Variants in SEL1L2 observed in about 807,000 individuals in gnomAD.
SEL1L2 encodes SEL1L2 adaptor subunit of SYVN1 ubiquitin ligase.
Under a neutral mutation model 98.8 loss-of-function variants are expected in SEL1L2, and 89 were observed. That is an observed-to-expected ratio of 0.90 (90% CI 0.76 to 1.07). The LOEUF (loss-of-function observed/expected upper bound fraction) is 1.07, where lower values mean the gene tolerates loss of function less well. SEL1L2 is among the 50% of genes least tolerant of loss of function. The probability of loss-of-function intolerance (pLI) is 0.00; values close to 1 mark genes in which losing one functional copy is unlikely to be tolerated. For missense variants in SEL1L2, 788 were observed against 812.0 expected (o/e 0.97, Z 0.36); for synonymous variants, 262 against 278.5 (o/e 0.94, Z 0.59).
At chr20:13,921,514 A>T (rs1187749580) in intron 3 of SEL1L2, among the ~76,000 whole-genome samples, 1 of 152,168 alleles carries the variant, frequency 6.6e-6, no homozygotes, top group Non-Finnish European at 1.5e-5. Flanking sequence ...TTGATTGATC[A>T]AATTTTCTTT....
At chr20:13,907,700 C>CTCTCTTTCTT (rs1555879990) in intron 5 of SEL1L2, among the ~76,000 whole-genome samples, 1 of 125,556 alleles carries the variant, frequency 8.0e-6, no homozygotes, top group Non-Finnish European at 1.6e-5. Context: ...TTCTTTCTTT[C>CTCTCTTTCTT]TCTTTCTTTC....
chr20:13,915,164 C>T, intron 4 of SEL1L2: 1 of 1,289,702 alleles, frequency 7.8e-7, no homozygotes, highest in Non-Finnish European at 1.0e-6. Flanking sequence ...ATAAGCTGCT[C>T]TTGGGCAGAA....
intron 2 of SEL1L2, among the ~76,000 whole-genome samples, chr20:13,938,879 T>C (rs567364620): frequency 7.9e-5 from 12 of 152,058 alleles, no homozygotes; most frequent in African/African-American, 2.9e-4. Context: ...CATTTTTCTG[T>C]TTTTCTGTTT....
intron 4 of SEL1L2, among the ~76,000 whole-genome samples, chr20:13,917,169 C>T (rs757984496): frequency 1.2e-4 from 18 of 152,092 alleles, no homozygotes; most frequent in Non-Finnish European, 2.6e-4. Context: ...CCCTGACTGG[C>T]GCTCCACATC....
intron 5 of SEL1L2, among the ~76,000 whole-genome samples, chr20:13,893,581 C>T (rs377344864): frequency 1.3e-5 from 2 of 152,008 alleles, no homozygotes; most frequent in African/African-American, 4.8e-5. Flanking sequence ...GATTTCAATA[C>T]CCCACATTCA....
chr20:13,888,053 A>C (rs957375367), intron 6 of SEL1L2, 52 bp from the exon 7 acceptor site: 21 of 1,508,468 alleles, frequency 1.4e-5, no homozygotes, highest in Non-Finnish European at 1.8e-5. Flanking sequence ...TTGGCCATTT[A>C]AATTTGAAAC....
intron 4 of SEL1L2, 81 bp from the exon 5 acceptor site, chr20:13,914,025 C>T: frequency 5.7e-6 from 7 of 1,235,416 alleles, no homozygotes; most frequent in Non-Finnish European, 7.8e-6. Flanking sequence ...CATACTACTT[C>T]TCTCTAACAA....
intron 5 of SEL1L2, among the ~76,000 whole-genome samples, chr20:13,912,575 G>A (rs1439159988): frequency 6.6e-6 from 1 of 152,126 alleles, no homozygotes; most frequent in Non-Finnish European, 1.5e-5. Flanking sequence ...AGGATTACAG[G>A]CATGAGCCAC....
rs375600966 is a variant in SEL1L2 at position 13,885,033 on chromosome 20, T to TTC, written c.957+312_957+313dup. Among the ~76,000 whole-genome samples, 119 of 152,218 alleles carry TTC rather than the reference T, an allele frequency of 7.8e-4. 1 individual carries two copies. The highest frequency in any genetic ancestry group is 2.8e-3 in the African/African-American group (117 of 41,550). On this transcript the variant is annotated intron_variant, in intron 10 of 19. Transcript: ENST00000284951. ...GTGTGCAGGCCGGCAGGTGGGGATA[T>TTC]TCTCTCTCCTAATCCCAGCCCAAAG...
intron 3 of SEL1L2, among the ~76,000 whole-genome samples, chr20:13,926,798 A>C (rs2048927358): frequency 6.6e-6 from 1 of 152,240 alleles, no homozygotes; most frequent in African/African-American, 2.4e-5. Flanking sequence ...CAGGCCCCAG[A>C]AGCAGCAAAA....
intron 11 of SEL1L2, among the ~76,000 whole-genome samples, chr20:13,876,786 G>A (rs760562880): frequency 1.3e-5 from 2 of 152,104 alleles, no homozygotes; most frequent in Non-Finnish European, 1.5e-5. Flanking sequence ...TCATAGCTAC[G>A]CTCAGAGGAG....
chr20:13,943,485 T>G (rs2049874657), intron 2 of SEL1L2, among the ~76,000 whole-genome samples: 1 of 152,002 alleles, frequency 6.6e-6, no homozygotes. Flanking sequence ...TCTGGGTTTT[T>G]TTTTTTTTTT....
intron 5 of SEL1L2, among the ~76,000 whole-genome samples, chr20:13,899,112 T>A (rs914732527): frequency 6.6e-6 from 1 of 152,216 alleles, no homozygotes; most frequent in African/African-American, 2.4e-5. Context: ...CATTGTTTTT[T>A]AAATATTCTC....
At position 13,956,063 on chromosome 20, in the gene SEL1L2, G is replaced by T; in HGVS notation, c.114+13C>A. 6.7e-7 allele frequency: 1 copy of T among 1,501,410 alleles called. No homozygotes were observed. Among genetic ancestry groups the T allele is most frequent in the Non-Finnish European group, 9.2e-7 (1 of 1,092,810 alleles). 93.0% of individuals were successfully genotyped at this position (1,501,410 alleles called of 1,614,324 possible). On this transcript the variant is annotated intron_variant, in intron 2 of 19. Coordinates refer to ENST00000284951, the MANE Select transcript of SEL1L2 (RefSeq NM_025229.2). Reference sequence around the variant, plus strand: ...TTCTATTAAAAAATGTAAAGATTTAGCAAAATATTTACCTGTGTGGTGACA... The same window carrying T: ...TTCTATTAAAAAATGTAAAGATTTATCAAAATATTTACCTGTGTGGTGACA...
chr20:13,859,373 T>C lies in SEL1L2; in HGVS notation c.1707A>G (p.Lys569=). The change falls in exon 18 of 20, where the codon AAA becomes AAG. Residue 569 remains lysine (K), a synonymous_variant. Transcript: ENST00000284951. ...AGTGTGTGGCTGCTGTTTGATAGTC[T>C]TTCTTAGTCCCATAGCCATAGTAAT... The part of the protein sequence containing the change: ...DYHYYGYGTK[K]DYQTAATHYS... 1 of 1,614,172 alleles carries C rather than the reference T, an allele frequency of 6.2e-7. No individual in the cohort carries two copies. Among genetic ancestry groups the C allele is most frequent in the Non-Finnish European group, 8.5e-7 (1 of 1,179,990 alleles).
intron 2 of SEL1L2, among the ~76,000 whole-genome samples, chr20:13,933,661 G>C (rs1355825684): frequency 6.6e-6 from 1 of 152,140 alleles, no homozygotes; most frequent in Non-Finnish European, 1.5e-5. Flanking sequence ...AGGGACCCAA[G>C]CAGATATTAA....
chr20:13,934,937 C>T (rs371577592), intron 2 of SEL1L2, among the ~76,000 whole-genome samples: 25 of 152,204 alleles, frequency 1.6e-4, no homozygotes, highest in African/African-American at 5.8e-4. Flanking sequence ...AAGAAGAGAA[C>T]ATGGATTTTG....
chr20:13,850,242 G>T lies in SEL1L2; in HGVS notation c.1896C>A (p.Ala632=). 6.2e-7 allele frequency: 1 copy of T among 1,613,974 alleles called. No homozygotes were observed. Among genetic ancestry groups the T allele is most frequent in the Non-Finnish European group, 8.5e-7 (1 of 1,179,916 alleles). ...SPDAHIPVLF[A]VMKLETTHLL... ...AATGCGTAGTTTCCAGTTTCATGAC[G>T]GCAAAGAGCACAGGTATGTGGGCAT... Residue 632 remains alanine (A), a synonymous_variant, in exon 19 of 20, where the codon GCC becomes GCA. Coordinates refer to ENST00000284951, the MANE Select transcript of SEL1L2 (RefSeq NM_025229.2).
At chr20:13,882,250 C>T (rs2046738540) in intron 10 of SEL1L2, among the ~76,000 whole-genome samples, 2 of 152,280 alleles carry the variant, frequency 1.3e-5, no homozygotes, top group East Asian at 1.9e-4. Context: ...CTTCCCTCTC[C>T]CTTATGTATC....
Sources: allele counts gnomAD v4.1 joint callset (sites outside exome capture counted in the v4.1 genomes callset), GRCh38; gene constraint gnomAD v4.1.1; transcripts MANE v1.5; gene names NCBI Gene and HGNC (gene_info 2026-07-23, HGNC 2026-07-21).